The following CFAP20DC variants were observed in gnomAD, a reference collection of about 807,000 sequenced individuals.
The protein encoded by CFAP20DC is protein CFAP20DC.
A neutral mutation model predicts 101.7 loss-of-function variants in CFAP20DC; 84 were observed. The observed-to-expected ratio is 0.83, with a 90% CI of 0.69 to 0.99. The LOEUF (loss-of-function observed/expected upper bound fraction) is 0.99, where lower values mean the gene tolerates loss of function less well. Ranked by LOEUF, CFAP20DC falls within the 50% of genes least tolerant of loss-of-function variation. The pLI, the probability that CFAP20DC is intolerant of heterozygous loss-of-function variation, is 0.00. For synonymous variants in CFAP20DC, 359 were observed against 351.2 expected (o/e 1.02, Z -0.25); for missense variants, 1,007 against 970.3 (o/e 1.04, Z -0.50).
rs1045848344 is a variant in CFAP20DC at position 58,795,417 on chromosome 3, G to T, written c.2237+10978C>A. On this transcript the variant is annotated intron_variant, in intron 15 of 16. Coordinates refer to ENST00000482387, the MANE Select transcript of CFAP20DC (RefSeq NM_001394063.1). This position sits in a 1 kb window ranked among gnomAD's most constrained non-coding sequence, Gnocchi z 4.2. ...TTTGGGAGGCCAAGGTGGAGGGACG[G>T]TTGCTTGAGCCCAGGAGTACGAGAC... is the stretch of plus-strand genomic sequence containing the variant. 1.3e-5 allele frequency among the ~76,000 whole-genome samples: 2 copies of T among 152,156 alleles called. No individual in the cohort carries two copies. Among genetic ancestry groups the T allele is most frequent in the African/African-American group, 4.8e-5 (2 of 41,426 alleles).
rs938523275 is a variant in CFAP20DC, at chr3:58,788,183, C to G, written c.2237+18212G>C. ...AGGAAGAAAACACTAAAAAACAAAG[C>G]AAAACAAAACAAAACTCCAACTCAC... On this transcript the variant is annotated intron_variant, in intron 15 of 16. Transcript: ENST00000482387. This position sits in a 1 kb window ranked among gnomAD's most constrained non-coding sequence, Gnocchi z 4.2. 6.6e-5 allele frequency among the ~76,000 whole-genome samples: 10 copies of G among 150,990 alleles called. No individual in the cohort carries two copies. The highest frequency in any genetic ancestry group is 2.1e-4 in the South Asian group (1 of 4,726).
intron 6 of CFAP20DC, among the ~76,000 whole-genome samples, chr3:58,888,821 G>A (rs547377207): frequency 6.6e-6 from 1 of 152,104 alleles, no homozygotes; most frequent in Non-Finnish European, 1.5e-5. Flanking sequence ...ACTCCTTTGG[G>A]TATATACCTA....
At chr3:58,994,968 A>C (rs911335345) in intron 4 of CFAP20DC, among the ~76,000 whole-genome samples, 1 of 152,200 alleles carries the variant, frequency 6.6e-6, no homozygotes, top group African/African-American at 2.4e-5. Context: ...GGTTACAGGA[A>C]GACAACAAGT....
chr3:58,851,079 C>A (rs7648107), intron 12 of CFAP20DC, among the ~76,000 whole-genome samples: 1 of 152,012 alleles, frequency 6.6e-6, no homozygotes, highest in Non-Finnish European at 1.5e-5. Context: ...TTCTTCATCA[C>A]GGGCCAAGTA....
chr3:58,960,798 A>C (rs531413281), intron 4 of CFAP20DC, among the ~76,000 whole-genome samples: 1 of 152,312 alleles, frequency 6.6e-6, no homozygotes, highest in East Asian at 1.9e-4. Context: ...ATTATACTAG[A>C]ATACAATGGT....
chr3:58,748,230 G>A (rs1411255080), intron 16 of CFAP20DC, among the ~76,000 whole-genome samples: 2 of 152,126 alleles, frequency 1.3e-5, no homozygotes, highest in Admixed American at 1.3e-4. Context: ...CCAAGGTACT[G>A]AGCTCTGAAG....
At chr3:58,725,062 A>T (rs1416313073) in intron 3 of CFAP20DC, among the ~76,000 whole-genome samples, 1 of 152,250 alleles carries the variant, frequency 6.6e-6, no homozygotes, top group Non-Finnish European at 1.5e-5. Context: ...GGTATGTAGC[A>T]GTATTCTTCG....
In CFAP20DC at chr3:58,742,380, T is replaced by C. The variant is rs2107129666; in HGVS notation, c.*80A>G. On this transcript the variant is annotated 3_prime_UTR_variant, in exon 17 of 17. Coordinates refer to ENST00000482387, the MANE Select transcript of CFAP20DC (RefSeq NM_001394063.1). ...ATTTTGTGGTCACCCAACACATAAGTTGTGGTGACTCCTTAAGCGACCCTG... is the reference window on the plus strand; with the variant it reads ...ATTTTGTGGTCACCCAACACATAAGCTGTGGTGACTCCTTAAGCGACCCTG... 2 of 1,371,490 alleles carry C rather than the reference T, an allele frequency of 1.5e-6. No individual in the cohort carries two copies. Among genetic ancestry groups the C allele is most frequent in the Admixed American group, 3.0e-5 (1 of 32,812 alleles). The allele number at this position is 1,371,490 out of a possible 1,614,324, so 85.0% of individuals were successfully genotyped here.
intron 7 of CFAP20DC, among the ~76,000 whole-genome samples, chr3:58,870,893 TC>T (rs1470560510): frequency 1.3e-4 from 1 of 7,564 alleles, no homozygotes; most frequent in African/African-American, 3.7e-4. Context: ...AGACTCCGTC[TC>T]AAAAAAAAAA....
In CFAP20DC at chr3:58,732,844, T is replaced by C. The variant is rs541172515; in HGVS notation, c.198-15216A>G. Among the ~76,000 whole-genome samples the C allele has an allele frequency of 1.3e-5, 2 of 152,340 alleles. No individual in the cohort carries two copies. Among genetic ancestry groups the C allele is most frequent in the Non-Finnish European group, 2.9e-5 (2 of 68,020 alleles). ...TCTTTGGTGAAATGTTCTATATCTA[T>C]AACTTGTGATTAAGCTCAGGATAGA... On this transcript the variant is annotated intron_variant, in intron 3 of 3. Coordinates refer to the CFAP20DC transcript ENST00000486145. The surrounding 1 kb of genome is among the most constrained non-coding windows in gnomAD (Gnocchi z 5.4).
chr3:58,918,687 C>G (rs1265463511), intron 5 of CFAP20DC, among the ~76,000 whole-genome samples: 2 of 151,908 alleles, frequency 1.3e-5, no homozygotes, highest in African/African-American at 4.8e-5. Flanking sequence ...ACTGGCAACT[C>G]CTTTGAAATA....
At chr3:58,801,710 C>T (rs1223608734) in intron 15 of CFAP20DC, among the ~76,000 whole-genome samples, 4 of 151,864 alleles carry the variant, frequency 2.6e-5, no homozygotes, top group Non-Finnish European at 5.9e-5. Flanking sequence ...CTTGGCCAGG[C>T]CAGCTGAGCC....
intron 4 of CFAP20DC, among the ~76,000 whole-genome samples, chr3:58,973,894 G>A (rs1429351392): frequency 6.6e-6 from 1 of 152,090 alleles, no homozygotes; most frequent in African/African-American, 2.4e-5. Flanking sequence ...AAAAAAAGAG[G>A]GAAGGAATAC....
chr3:58,789,076 T>A (rs550975273), intron 15 of CFAP20DC, among the ~76,000 whole-genome samples: 1 of 152,262 alleles, frequency 6.6e-6, no homozygotes. Context: ...CACACAGTAA[T>A]AGCATTAGTA....
In CFAP20DC at chr3:58,869,184, C is replaced by A; in HGVS notation, c.1015+144G>T. 3 of 584,754 alleles carry A rather than the reference C, an allele frequency of 5.1e-6. No homozygotes were observed. Among genetic ancestry groups the A allele is most frequent in the South Asian group, 3.2e-5 (1 of 31,046 alleles). 36.2% of individuals were successfully genotyped at this position (584,754 alleles called of 1,614,324 possible). A position where few individuals can be genotyped will look rare whatever the true frequency, so the allele number is the denominator to read the frequency against. Reference sequence around the variant, plus strand: ...TAATATAAGAATTTCAAATATATTTCAAAATCAACCACCCTTTTCATTATT... The same window carrying A: ...TAATATAAGAATTTCAAATATATTTAAAAATCAACCACCCTTTTCATTATT... On this transcript the variant is annotated intron_variant, in intron 9 of 16. Transcript: ENST00000482387. The surrounding 1 kb of genome is among the most constrained non-coding windows in gnomAD (Gnocchi z 4.3).
chr3:58,828,105 TGGAGAGA>T (rs775185663), intron 14 of CFAP20DC, among the ~76,000 whole-genome samples: 17 of 152,028 alleles, frequency 1.1e-4, no homozygotes, highest in Non-Finnish European at 2.2e-4. Context: ...GAGATGAGGC[TGGAGAGA>T]GGGCAAGTCT....
rs1023243666 is a variant in CFAP20DC, at chr3:58,813,666, T to A, written c.2176-7210A>T. Among the ~76,000 whole-genome samples the A allele has an allele frequency of 4.6e-5, 7 of 151,992 alleles. 1 individual carries two copies. Among genetic ancestry groups the A allele is most frequent in the African/African-American group, 1.7e-4 (7 of 41,252 alleles). Reference sequence around the variant, plus strand: ...GATGGGAATTCTTCAGAGTAAACTGTCTTCCTCTATAAATTATCTCTTGGA... The same window carrying A: ...GATGGGAATTCTTCAGAGTAAACTGACTTCCTCTATAAATTATCTCTTGGA... On this transcript the variant is annotated intron_variant, in intron 14 of 16. Transcript: ENST00000482387.
At chr3:58,998,022 C>T (rs1304900866) in intron 4 of CFAP20DC, among the ~76,000 whole-genome samples, 2 of 152,152 alleles carry the variant, frequency 1.3e-5, no homozygotes, top group African/African-American at 4.8e-5. Context: ...ACAGAGTTGG[C>T]CTCTGTGATT....
intron 5 of CFAP20DC, among the ~76,000 whole-genome samples, chr3:58,936,552 A>G (rs1009659258): frequency 5.3e-5 from 8 of 152,202 alleles, no homozygotes; most frequent in Non-Finnish European, 7.3e-5. Flanking sequence ...AGACTGGATT[A>G]AAAAAATGTG....
Sources: allele counts gnomAD v4.1 joint callset (sites outside exome capture counted in the v4.1 genomes callset), GRCh38; gene constraint gnomAD v4.1.1; non-coding constraint Gnocchi (gnomAD v3.1); transcripts MANE v1.5; gene names NCBI Gene and HGNC (gene_info 2026-07-23, HGNC 2026-07-21).